Variants in MDFIC2 observed in about 807,000 individuals in gnomAD.
MDFIC2 encodes the protein MyoD family inhibitor domain containing 2, also known as myoD family inhibitor domain-containing protein 2.
At chr3:70,205,209 A>G (rs2106723234) in intron 3 of MDFIC2, 1 of 152,232 alleles carries the variant, frequency 6.6e-6, no homozygotes. Flanking sequence ...AAACTTCAAT[A>G]TCTGGCAACT....
intron 2 of MDFIC2, among the ~76,000 whole-genome samples, chr3:70,243,126 G>C (rs1249928061): frequency 1.3e-5 from 2 of 152,076 alleles, no homozygotes; most frequent in Non-Finnish European, 2.9e-5. Context: ...TCCTTCTCTA[G>C]ACTATATTGT....
At chr3:70,245,709 A>ATATATATG (rs1701700825) in intron 2 of MDFIC2, among the ~76,000 whole-genome samples, 2 of 139,528 alleles carry the variant, frequency 1.4e-5, no homozygotes, top group South Asian at 2.3e-4. Context: ...ATATATATAT[A>ATATATATG]TATATACACA....
chr3:70,307,520 A>G (rs1017748488), intron 2 of MDFIC2, among the ~76,000 whole-genome samples: 3 of 151,618 alleles, frequency 2.0e-5, no homozygotes, highest in African/African-American at 2.4e-5. Flanking sequence ...CCCAATTTCT[A>G]TGTTATAACA....
At chr3:70,277,613 A>C (rs1702040057) in intron 2 of MDFIC2, among the ~76,000 whole-genome samples, 1 of 152,162 alleles carries the variant, frequency 6.6e-6, no homozygotes, top group Non-Finnish European at 1.5e-5. Context: ...CATACTTCAA[A>C]ACTGCTACTT....
chr3:70,254,364 A>G (rs1220962116), intron 2 of MDFIC2, among the ~76,000 whole-genome samples: 1 of 152,150 alleles, frequency 6.6e-6, no homozygotes, highest in Admixed American at 6.6e-5. Context: ...AATTATTCTC[A>G]ATTATTATTT....
chr3:70,265,564 G>A (rs1701909824), intron 2 of MDFIC2, among the ~76,000 whole-genome samples: 1 of 152,134 alleles, frequency 6.6e-6, no homozygotes, highest in South Asian at 2.1e-4. Flanking sequence ...TTAGGGTGGG[G>A]TTGCATTATC....
chr3:70,228,834 C>A (rs1209270033), intron 2 of MDFIC2, among the ~76,000 whole-genome samples: 2 of 151,646 alleles, frequency 1.3e-5, no homozygotes, highest in African/African-American at 4.8e-5. Flanking sequence ...CCTCAAAATT[C>A]CTTAATTCCT....
chr3:70,237,520 A>G (rs1055847021), intron 2 of MDFIC2, among the ~76,000 whole-genome samples: 2 of 152,198 alleles, frequency 1.3e-5, no homozygotes, highest in African/African-American at 2.4e-5. Flanking sequence ...CCATCATGCT[A>G]TGCTAAAATT....
intron 3 of MDFIC2, chr3:70,205,744 T>C (rs1357273): frequency 0.32 from 49,287 of 152,036 alleles, 10,380 homozygotes; most frequent in Non-Finnish European, 0.46. Context: ...TTTTTCTTAT[T>C]TTCAAAAAGT....
chr3:70,197,228 G>C (rs1559532782), intron 3 of MDFIC2, 43 bp from the exon 4 acceptor site: 2 of 398,238 alleles, frequency 5.0e-6, no homozygotes, highest in Non-Finnish European at 8.9e-6. Context: ...ACATCTGGGG[G>C]CGTCTATGAA....
At chr3:70,226,985 C>G (rs1257867893) in intron 2 of MDFIC2, among the ~76,000 whole-genome samples, 1 of 152,066 alleles carries the variant, frequency 6.6e-6, no homozygotes, top group East Asian at 1.9e-4. Flanking sequence ...AGCAGTGGCT[C>G]TTGATTGACA....
At chr3:70,293,640 T>C (rs908568023) in intron 2 of MDFIC2, among the ~76,000 whole-genome samples, 5 of 151,986 alleles carry the variant, frequency 3.3e-5, no homozygotes, top group African/African-American at 1.2e-4. Context: ...AAATAAGACA[T>C]TTTTTTGTAG....
At chr3:70,299,149 T>G (rs748612117) in intron 2 of MDFIC2, among the ~76,000 whole-genome samples, 4 of 152,146 alleles carry the variant, frequency 2.6e-5, no homozygotes, top group Non-Finnish European at 5.9e-5. Context: ...ACATAGGTAA[T>G]TGGTTACATA....
intron 2 of MDFIC2, among the ~76,000 whole-genome samples, chr3:70,276,474 G>C (rs1237835843): frequency 6.6e-6 from 1 of 152,026 alleles, no homozygotes; most frequent in Non-Finnish European, 1.5e-5. Flanking sequence ...ATAATACTTA[G>C]AAGTGGCTGT....
At chr3:70,233,411 T>G (rs1050999916) in intron 2 of MDFIC2, among the ~76,000 whole-genome samples, 4 of 152,178 alleles carry the variant, frequency 2.6e-5, no homozygotes, top group Non-Finnish European at 5.9e-5. Context: ...ATATCTCATT[T>G]TAAATCACTT....
intron 2 of MDFIC2, among the ~76,000 whole-genome samples, chr3:70,250,409 TCTCACACACACACACACA>T (rs1244223056): frequency 1.3e-4 from 17 of 126,344 alleles, no homozygotes; most frequent in South Asian, 1.2e-3. Context: ...TTTTAATGAA[TCTCACACACACACACACA>T]CACACACACA....
chr3:70,210,330 A>G (rs1438679991), intron 2 of MDFIC2, among the ~76,000 whole-genome samples: 1 of 152,088 alleles, frequency 6.6e-6, no homozygotes, highest in African/African-American at 2.4e-5. Flanking sequence ...ATCTCTGTTT[A>G]TATTTTTATT....
chr3:70,266,994 A>G (rs1256955971), intron 2 of MDFIC2, among the ~76,000 whole-genome samples: 2 of 152,182 alleles, frequency 1.3e-5, no homozygotes, highest in South Asian at 2.1e-4. Flanking sequence ...GAGACTGCCA[A>G]CATTTTCCGG....
intron 2 of MDFIC2, chr3:70,272,261 C>G (rs1039252370): frequency 4.0e-5 from 6 of 151,866 alleles, no homozygotes; most frequent in Non-Finnish European, 8.8e-5. Context: ...CCCCAAGATG[C>G]TCCTTTACGC....
Sources: allele counts gnomAD v4.1 joint callset (sites outside exome capture counted in the v4.1 genomes callset), GRCh38; gene constraint gnomAD v4.1.1; transcripts MANE v1.5; gene names NCBI Gene and HGNC (gene_info 2026-07-23, HGNC 2026-07-21).